The following NPAS3 variants were observed in gnomAD, a reference collection of about 807,000 sequenced individuals.
NPAS3 encodes neuronal PAS domain protein 3, also known as neuronal PAS domain-containing protein 3.
Under a neutral mutation model 73.1 loss-of-function variants are expected in NPAS3, and 14 were observed. The ratio of observed to expected loss-of-function variants is 0.19; its 90% CI spans 0.13 to 0.30. NPAS3 has a LOEUF of 0.30. NPAS3 is among the 10% of genes least tolerant of loss of function. NPAS3 has a pLI of 1.00. For synonymous variants in NPAS3, 620 were observed against 541.5 expected (o/e 1.14, Z -2.01); for missense variants, 1,096 against 1,250.0 (o/e 0.88, Z 1.86).
chr14:33,634,997 T>G lies in NPAS3; in HGVS notation c.559-41214T>G, dbSNP rs149168312. On this transcript the variant is annotated intron_variant, in intron 5 of 11. Coordinates refer to ENST00000356141, the Ensembl canonical transcript of NPAS3. The stretch of plus-strand genomic sequence containing the variant: ...ATCAGATTCCAGCCCTCTAAGAGAT[T>G]CTGATATATGCTCAAGTTTGAGAAG... 4.2e-3 allele frequency among the ~76,000 whole-genome samples: 640 copies of G among 152,316 alleles called. 4 individuals carry two copies. Among genetic ancestry groups the G allele is most frequent in the African/African-American group, 0.015 (609 of 41,568 alleles).
intron 3 of NPAS3, among the ~76,000 whole-genome samples, chr14:33,353,045 A>G (rs1386490697): frequency 1.3e-5 from 2 of 152,134 alleles, no homozygotes; most frequent in Non-Finnish European, 2.9e-5. Flanking sequence ...TCTTCTGAGT[A>G]CTAAGGACAA....
rs552579974 is a variant in NPAS3 at position 33,661,384 on chromosome 14, G to C, written c.559-14827G>C. ...TTCTACAAAATAAGCATGTTGCTAA[G>C]GGCTCTAACCCTGCCCCGTTCAGAC... On this transcript the variant is annotated intron_variant, in intron 5 of 11. Transcript: ENST00000356141. Among the ~76,000 whole-genome samples the C allele has an allele frequency of 2.0e-5, 3 of 152,258 alleles. No individual in the cohort carries two copies. In the South Asian group the frequency reaches 6.2e-4, roughly 32 times the overall value.
chr14:33,348,866 T>A (rs1029322455), intron 3 of NPAS3, among the ~76,000 whole-genome samples: 1 of 152,204 alleles, frequency 6.6e-6, no homozygotes, highest in African/African-American at 2.4e-5. Flanking sequence ...AGAATTTTAT[T>A]GAGGGAGAGG....
intron 2 of NPAS3, among the ~76,000 whole-genome samples, chr14:33,096,846 G>A (rs747795175): frequency 2.0e-5 from 3 of 152,070 alleles, no homozygotes; most frequent in African/African-American, 7.2e-5. Context: ...TCCTCTACTT[G>A]TTATCTTAAT....
intron 5 of NPAS3, among the ~76,000 whole-genome samples, chr14:33,615,389 G>A (rs1023954422): frequency 6.6e-6 from 1 of 152,154 alleles, no homozygotes; most frequent in Non-Finnish European, 1.5e-5. Flanking sequence ...AGCGACTGCA[G>A]AGGTGGAAGG....
chr14:33,541,990 G>T (rs1021595584), intron 4 of NPAS3, among the ~76,000 whole-genome samples: 1 of 152,144 alleles, frequency 6.6e-6, no homozygotes, highest in Non-Finnish European at 1.5e-5. Context: ...TCTCAAGACA[G>T]TGCCCTTTGT....
At chr14:33,044,377 C>T (rs2040436317) in intron 1 of NPAS3, among the ~76,000 whole-genome samples, 1 of 152,174 alleles carries the variant, frequency 6.6e-6, no homozygotes, top group Non-Finnish European at 1.5e-5. Context: ...TTGTATTTTG[C>T]TCATACTTCT....
At chr14:33,269,904 C>G (rs1248392093) in intron 3 of NPAS3, among the ~76,000 whole-genome samples, 1 of 152,096 alleles carries the variant, frequency 6.6e-6, no homozygotes, top group Non-Finnish European at 1.5e-5. Context: ...GTGACAACTA[C>G]CTATACTTTA....
At chr14:33,218,213 G>A (rs2047295460) in intron 3 of NPAS3, among the ~76,000 whole-genome samples, 1 of 152,114 alleles carries the variant, frequency 6.6e-6, no homozygotes, top group Non-Finnish European at 1.5e-5. Flanking sequence ...CCAGATGGTG[G>A]CAGAGCATCT....
intron 2 of NPAS3, among the ~76,000 whole-genome samples, chr14:33,187,489 TA>T (rs5807706): frequency 0.58 from 88,395 of 151,912 alleles, 26,202 homozygotes; most frequent in East Asian, 0.83. Context: ...GCTCTGGACT[TA>T]AAAAAAATTA....
At chr14:32,967,876 T>C (rs112121610) in intron 1 of NPAS3, among the ~76,000 whole-genome samples, 31 of 151,118 alleles carry the variant, frequency 2.1e-4, no homozygotes, top group African/African-American at 7.3e-4. Flanking sequence ...TGAGGAGATA[T>C]CATTGTGTAT....
intron 4 of NPAS3, among the ~76,000 whole-genome samples, chr14:33,490,119 G>A (rs1456163095): frequency 1.3e-5 from 2 of 152,086 alleles, no homozygotes; most frequent in African/African-American, 4.8e-5. Context: ...AGAGTACTAA[G>A]AGGTTTATAG....
At chr14:33,358,973 GC>G (rs35917557) in intron 3 of NPAS3, among the ~76,000 whole-genome samples, 23,661 of 152,178 alleles carry the variant, frequency 0.16, 2,118 homozygotes, top group East Asian at 0.38. Flanking sequence ...AATAGCAGGT[GC>G]TGTTATAAGC....
chr14:33,746,174 T>A (rs1201023306), intron 7 of NPAS3, among the ~76,000 whole-genome samples: 1 of 148,130 alleles, frequency 6.8e-6, no homozygotes, highest in Non-Finnish European at 1.5e-5. Flanking sequence ...TATTTTATTT[T>A]ATTTATTTAT....
chr14:32,966,089 T>C (rs1189910845), intron 1 of NPAS3, among the ~76,000 whole-genome samples: 1 of 152,090 alleles, frequency 6.6e-6, no homozygotes, highest in Non-Finnish European at 1.5e-5. Flanking sequence ...TGTTAATGGA[T>C]TGGAAGAATT....
chr14:33,556,282 A>G (rs2055355639), intron 4 of NPAS3, among the ~76,000 whole-genome samples: 1 of 152,360 alleles, frequency 6.6e-6, no homozygotes, highest in South Asian at 2.1e-4. Context: ...CAAATGACAC[A>G]TCTATTCAGA....
chr14:33,531,891 C>A (rs986753537), intron 4 of NPAS3, among the ~76,000 whole-genome samples: 1 of 152,056 alleles, frequency 6.6e-6, no homozygotes, highest in Non-Finnish European at 1.5e-5. Context: ...GGTATCTCAT[C>A]GTGACTTTAA....
At chr14:33,250,805 G>C (rs2048556492) in intron 3 of NPAS3, among the ~76,000 whole-genome samples, 1 of 151,986 alleles carries the variant, frequency 6.6e-6, no homozygotes, top group Non-Finnish European at 1.5e-5. Context: ...CCAACTACTT[G>C]AGTAGGGTTA....
intron 5 of NPAS3, among the ~76,000 whole-genome samples, chr14:33,654,354 G>C (rs900474418): frequency 6.6e-6 from 1 of 152,118 alleles, no homozygotes; most frequent in Non-Finnish European, 1.5e-5. Context: ...ACACAAAGAA[G>C]AATTGAAATT....
Sources: allele counts gnomAD v4.1 joint callset (sites outside exome capture counted in the v4.1 genomes callset), GRCh38; gene constraint gnomAD v4.1.1; transcripts MANE v1.5; gene names NCBI Gene and HGNC (gene_info 2026-07-23, HGNC 2026-07-21).